Variants in TMC2 observed in about 807,000 individuals in gnomAD.
TMC2 encodes the protein transmembrane channel-like protein 2.
TMC2 carries 102 observed loss-of-function variants against 105.9 expected under a neutral mutation model. The observed-to-expected ratio is 0.96, with a 90% CI of 0.82 to 1.14. The LOEUF is 1.14. TMC2 is among the 50% of genes most tolerant of loss of function. The pLI, the probability that TMC2 is intolerant of heterozygous loss-of-function variation, is 0.00. For synonymous variants in TMC2, 402 were observed against 422.8 expected, an observed-to-expected ratio of 0.95 and a Z score of 0.60; for missense variants, 1,093 against 1,134.3, an observed-to-expected ratio of 0.96 and a Z score of 0.52.
intron 14 of TMC2, 22 bp downstream of exon 14, chr20:2,613,344 A>T: frequency 1.9e-6 from 3 of 1,613,984 alleles, no homozygotes; most frequent in Non-Finnish European, 2.5e-6. Context: ...CTTCATGGAC[A>T]TTCCGCACAA....
At chr20:2,628,039 G>A (rs2086576375) in intron 17 of TMC2, among the ~76,000 whole-genome samples, 1 of 152,034 alleles carries the variant, frequency 6.6e-6, no homozygotes, top group South Asian at 2.1e-4. Context: ...GTGGTGGTGT[G>A]TGCCTGTAAT....
chr20:2,593,784 C>T (rs189364829), intron 8 of TMC2, among the ~76,000 whole-genome samples: 41 of 152,154 alleles, frequency 2.7e-4, no homozygotes, highest in African/African-American at 9.6e-4. Flanking sequence ...CAGATCTGAC[C>T]CTGTCACTCC....
chr20:2,560,978 C>A (rs992441025), intron 3 of TMC2, among the ~76,000 whole-genome samples: 5 of 152,210 alleles, frequency 3.3e-5, no homozygotes, highest in Non-Finnish European at 7.3e-5. Context: ...CACAGCCCTG[C>A]TGTCCAATAT....
chr20:2,542,837 G>A (rs1054182990), intron 2 of TMC2, among the ~76,000 whole-genome samples: 7 of 151,416 alleles, frequency 4.6e-5, no homozygotes, highest in Admixed American at 2.0e-4. Context: ...GACTACAGGC[G>A]AGCACTACCA....
rs997814971 is a variant in TMC2, at chr20:2,592,256, C to CTGTG, written c.835-50_835-47dup. The CTGTG allele has an allele frequency of 3.4e-5, 39 of 1,159,066 alleles. No individual in the cohort carries two copies. The African/African-American group carries it at 5.9e-4, about 17-fold the overall frequency. The allele number at this position is 1,159,066 out of a possible 1,614,324, so 71.8% of individuals were successfully genotyped here. On this transcript the variant is annotated intron_variant, in intron 7 of 19. Coordinates refer to ENST00000358864, the MANE Select transcript of TMC2 (RefSeq NM_080751.3). This position sits in a 1 kb window ranked among gnomAD's most constrained non-coding sequence, Gnocchi z 4.9. ...CATTTACCCCAGTATATGAATGTCT[C>CTGTG]TGTGTGTTTGTATTTCCTCCACTCA...
intron 18 of TMC2, among the ~76,000 whole-genome samples, chr20:2,637,131 GTAATCCCAGCACT>G (rs1199474941): frequency 1.3e-5 from 2 of 151,816 alleles, no homozygotes; most frequent in Non-Finnish European, 2.9e-5. Context: ...GCTCACGCCT[GTAATCCCAGCACT>G]TTGTGAGGCC....
chr20:2,622,605 C>T (rs953829916), intron 16 of TMC2, among the ~76,000 whole-genome samples: 3 of 151,864 alleles, frequency 2.0e-5, no homozygotes, highest in Non-Finnish European at 4.4e-5. Flanking sequence ...TGCTTGAAAC[C>T]CAGAGGCAGA....
intron 2 of TMC2, among the ~76,000 whole-genome samples, chr20:2,548,423 G>A (rs867139890): frequency 1.3e-5 from 2 of 152,204 alleles, no homozygotes; most frequent in Admixed American, 6.5e-5. Flanking sequence ...CGGATCACCC[G>A]AGATCGGGGG....
intron 4 of TMC2, among the ~76,000 whole-genome samples, chr20:2,567,038 C>A (rs1009447855): frequency 6.6e-6 from 1 of 152,246 alleles, no homozygotes; most frequent in African/African-American, 2.4e-5. Context: ...CTTTGCCAGG[C>A]CAAAGCAAGG....
At chr20:2,594,712 C>G in intron 8 of TMC2, 113 bp from the exon 9 acceptor site, 1 of 1,143,346 alleles carries the variant, frequency 8.7e-7, no homozygotes, top group Non-Finnish European at 1.3e-6. Flanking sequence ...CTTCCTTCGG[C>G]CCTTAGATTC....
intron 16 of TMC2, among the ~76,000 whole-genome samples, chr20:2,623,037 G>A (rs75298178): frequency 0.12 from 17,994 of 152,042 alleles, 1,210 homozygotes; most frequent in Middle Eastern, 0.17. Context: ...ACATCCAATA[G>A]AACTTACTGT....
intron 2 of TMC2, among the ~76,000 whole-genome samples, chr20:2,550,892 C>T (rs2085952695): frequency 6.6e-6 from 1 of 152,174 alleles, no homozygotes; most frequent in South Asian, 2.1e-4. Flanking sequence ...TATTGAAGGA[C>T]ATCTTAGTTG....
intron 5 of TMC2, among the ~76,000 whole-genome samples, chr20:2,577,754 A>C (rs1166039143): frequency 6.6e-6 from 1 of 151,896 alleles, no homozygotes; most frequent in Admixed American, 6.6e-5. Flanking sequence ...CTCTACAAAA[A>C]ATAAAAAAAA....
At chr20:2,608,572 C>T (rs1027671997) in intron 11 of TMC2, among the ~76,000 whole-genome samples, 38 of 152,172 alleles carry the variant, frequency 2.5e-4, no homozygotes, top group African/African-American at 7.9e-4. Context: ...AGGTGATCCA[C>T]CTGCCTCAGC....
At chr20:2,605,206 T>C (rs2086380638) in intron 11 of TMC2, among the ~76,000 whole-genome samples, 1 of 152,178 alleles carries the variant, frequency 6.6e-6, no homozygotes, top group Admixed American at 6.5e-5. Context: ...AAAAATTTGG[T>C]GTCAGAAGTG....
chr20:2,555,872 A>G (rs2085981997), intron 2 of TMC2, among the ~76,000 whole-genome samples: 1 of 152,202 alleles, frequency 6.6e-6, no homozygotes, highest in South Asian at 2.1e-4. Flanking sequence ...ATTCAAGTCC[A>G]CTTTTAAATA....
chr20:2,615,569 G>T (rs754222509), intron 14 of TMC2, among the ~76,000 whole-genome samples: 1 of 152,184 alleles, frequency 6.6e-6, no homozygotes, highest in African/African-American at 2.4e-5. Context: ...GACAAATCAC[G>T]AAAACTGCAA....
intron 17 of TMC2, among the ~76,000 whole-genome samples, chr20:2,634,378 A>G (rs1305302295): frequency 6.6e-6 from 1 of 152,214 alleles, no homozygotes; most frequent in Non-Finnish European, 1.5e-5. Context: ...TTGTTCATCT[A>G]TTCATGTAAC....
chr20:2,546,901 C>G (rs1437330951), intron 2 of TMC2, among the ~76,000 whole-genome samples: 1 of 151,962 alleles, frequency 6.6e-6, no homozygotes, highest in Non-Finnish European at 1.5e-5. Context: ...GCAAAAGAAG[C>G]AATGAAGGCA....
Sources: gnomAD v4.1 joint callset for allele counts (sites outside exome capture counted in the v4.1 genomes callset) on GRCh38, gnomAD v4.1.1 for gene constraint, Gnocchi (gnomAD v3.1) non-coding constraint, MANE v1.5 for transcripts, NCBI Gene and HGNC (gene_info 2026-07-23, HGNC 2026-07-21) for gene names.